Variants in NALCN observed in about 807,000 individuals in gnomAD.
The protein encoded by NALCN is sodium leak channel NALCN.
In NALCN, 111 loss-of-function variants were observed where a neutral mutation model predicts 225.3. That is an observed-to-expected ratio of 0.49 (90% CI 0.42 to 0.58). The LOEUF (loss-of-function observed/expected upper bound fraction) is 0.58, where lower values mean the gene tolerates loss of function less well. NALCN is among the 20% of genes least tolerant of loss of function. The probability of loss-of-function intolerance (pLI) is 0.00; values close to 1 mark genes in which losing one functional copy is unlikely to be tolerated. For missense variants in NALCN, 1,378 were observed against 2,202.4 expected, an observed-to-expected ratio of 0.63 and a Z score of 7.49; for synonymous variants, 764 against 769.0, an observed-to-expected ratio of 0.99 and a Z score of 0.11.
chr13:101,215,897 A>G (rs920084339), intron 13 of NALCN, among the ~76,000 whole-genome samples: 5 of 152,052 alleles, frequency 3.3e-5, no homozygotes, highest in African/African-American at 1.2e-4. Flanking sequence ...AGTACCTCTG[A>G]TTAGGACAGG....
At chr13:101,062,293 C>T (rs1381046386) in intron 40 of NALCN, among the ~76,000 whole-genome samples, 175 bp from the exon 41 acceptor site, 1 of 152,186 alleles carries the variant, frequency 6.6e-6, no homozygotes, top group Admixed American at 6.5e-5. Context: ...TGTCTCCCTT[C>T]CCTCGTCTGT....
rs780440317 is a variant in NALCN at position 101,089,888 on chromosome 13, G to A, written c.3348C>T (p.Gly1116=). 1.9e-6 allele frequency: 3 copies of A among 1,614,036 alleles called. No homozygotes were observed. Among genetic ancestry groups the A allele is most frequent in the East Asian group, 4.5e-5 (2 of 44,884 alleles). ...TAATAACATCTCTCACTTCCACCCA[G>A]CCTTTCAAGGAGAGAACTTCAAACA... is the stretch of plus-strand genomic sequence containing the variant. ...LALFEVLSLK[G]WVEVRDVIIH... is the part of the protein sequence containing the mutation. Residue 1116 remains glycine, a synonymous_variant, in exon 29 of 44, where the codon GGC becomes GGT. Coordinates refer to ENST00000251127, the MANE Select transcript of NALCN (RefSeq NM_052867.4). The surrounding 1 kb of genome is among the most constrained non-coding windows in gnomAD (Gnocchi z 4.7).
At chr13:101,069,820 A>C (rs1326601221) in intron 37 of NALCN, among the ~76,000 whole-genome samples, 1 of 152,202 alleles carries the variant, frequency 6.6e-6, no homozygotes, top group Non-Finnish European at 1.5e-5. Context: ...AACCACTCTG[A>C]TCATCCATAA....
At chr13:101,127,655 G>A (rs2036300453) in intron 17 of NALCN, among the ~76,000 whole-genome samples, 1 of 152,042 alleles carries the variant, frequency 6.6e-6, no homozygotes, top group Non-Finnish European at 1.5e-5. Flanking sequence ...TCCACACCTG[G>A]CCTTTGGGAT....
intron 7 of NALCN, among the ~76,000 whole-genome samples, chr13:101,321,825 A>C (rs552124572): frequency 1.3e-5 from 2 of 152,318 alleles, no homozygotes; most frequent in Non-Finnish European, 2.9e-5. Context: ...GTCATACATT[A>C]AACTCATAAT....
chr13:101,331,525 C>T (rs9585671), intron 7 of NALCN, among the ~76,000 whole-genome samples: 6,992 of 152,124 alleles, frequency 0.046, 513 homozygotes, highest in African/African-American at 0.16. Context: ...TAGAAGATTC[C>T]TTGTGCAACT....
At chr13:101,357,083 C>T (rs2046086397) in intron 6 of NALCN, among the ~76,000 whole-genome samples, 1 of 152,172 alleles carries the variant, frequency 6.6e-6, no homozygotes, top group Non-Finnish European at 1.5e-5. Flanking sequence ...CAGTATCATA[C>T]TGAATGGGAA....
chr13:101,331,100 C>G (rs2045153726), intron 7 of NALCN, among the ~76,000 whole-genome samples: 1 of 152,064 alleles, frequency 6.6e-6, no homozygotes, highest in Non-Finnish European at 1.5e-5. Flanking sequence ...GAAACTGCAG[C>G]AAACACAACC....
At chr13:101,336,633 G>GAT (rs1366252334) in intron 7 of NALCN, among the ~76,000 whole-genome samples, 2 of 152,178 alleles carry the variant, frequency 1.3e-5, no homozygotes, top group Non-Finnish European at 2.9e-5. Context: ...TTTTAAGGAG[G>GAT]ATATATATAG....
At chr13:101,194,832 C>T (rs1008718826) in intron 13 of NALCN, among the ~76,000 whole-genome samples, 7 of 152,000 alleles carry the variant, frequency 4.6e-5, no homozygotes, top group South Asian at 2.1e-4. Flanking sequence ...GGTGAAACCC[C>T]GTCTCTACTA....
intron 11 of NALCN, among the ~76,000 whole-genome samples, chr13:101,247,800 C>T: frequency 6.6e-6 from 1 of 152,030 alleles, no homozygotes; most frequent in Non-Finnish European, 1.5e-5. Flanking sequence ...CCTGATGCTA[C>T]CCCTCCCCCC....
intron 14 of NALCN, among the ~76,000 whole-genome samples, chr13:101,183,262 G>A (rs979980702): frequency 6.6e-6 from 1 of 152,148 alleles, no homozygotes; most frequent in African/African-American, 2.4e-5. Context: ...GCCACTAAAT[G>A]TGATTTACAG....
At chr13:101,168,269 C>T (rs1445116263) in intron 15 of NALCN, among the ~76,000 whole-genome samples, 1 of 152,168 alleles carries the variant, frequency 6.6e-6, no homozygotes, top group Admixed American at 6.6e-5. Context: ...TTACCATCTG[C>T]ATGTTGATTT....
intron 13 of NALCN, among the ~76,000 whole-genome samples, chr13:101,208,576 C>T (rs1193499905): frequency 6.6e-6 from 1 of 152,164 alleles, no homozygotes; most frequent in African/African-American, 2.4e-5. Context: ...ATATGGTTTG[C>T]ATGTGTGTCC....
At chr13:101,399,782 A>G (rs2047414588) in intron 1 of NALCN, among the ~76,000 whole-genome samples, 1 of 152,158 alleles carries the variant, frequency 6.6e-6, no homozygotes, top group Admixed American at 6.5e-5. Context: ...AATTACATTG[A>G]GGTGGGAGAT....
chr13:101,114,444 T>A (rs1297972819), intron 18 of NALCN, among the ~76,000 whole-genome samples: 1 of 152,152 alleles, frequency 6.6e-6, no homozygotes, highest in Non-Finnish European at 1.5e-5. Context: ...TCTCTCTCTC[T>A]CTCTCTCTCG....
At chr13:101,251,188 A>C (rs2042051921) in intron 11 of NALCN, among the ~76,000 whole-genome samples, 1 of 152,130 alleles carries the variant, frequency 6.6e-6, no homozygotes, top group Non-Finnish European at 1.5e-5. Context: ...TTCTAATGAC[A>C]ATGTTTACTG....
At chr13:101,248,054 T>A (rs944880810) in intron 11 of NALCN, among the ~76,000 whole-genome samples, 14 of 152,198 alleles carry the variant, frequency 9.2e-5, no homozygotes, top group African/African-American at 2.4e-4. Flanking sequence ...ATTTTCTTTA[T>A]CCAGTCTATC....
At chr13:101,325,420 A>T (rs1323517979) in intron 7 of NALCN, among the ~76,000 whole-genome samples, 2 of 152,172 alleles carry the variant, frequency 1.3e-5, no homozygotes, top group African/African-American at 4.8e-5. Context: ...GTTAATGGTC[A>T]CTGTAAATCA....
Sources: allele counts gnomAD v4.1 joint callset (sites outside exome capture counted in the v4.1 genomes callset), GRCh38; gene constraint gnomAD v4.1.1; non-coding constraint Gnocchi (gnomAD v3.1); transcripts MANE v1.5; gene names NCBI Gene and HGNC (gene_info 2026-07-23, HGNC 2026-07-21).